CSMD3: variants seen among roughly 807,000 people sequenced by gnomAD.
CSMD3 encodes the protein CUB and Sushi multiple domains 3, also known as CUB and sushi domain-containing protein 3.
In CSMD3, 177 loss-of-function variants were observed where a neutral mutation model predicts 435.2. That is an observed-to-expected ratio of 0.41 (90% CI 0.36 to 0.46). The LOEUF (loss-of-function observed/expected upper bound fraction) is 0.46, where lower values mean the gene tolerates loss of function less well. Ranked by LOEUF, CSMD3 falls within the 20% of genes least tolerant of loss-of-function variation. CSMD3 has a pLI of 0.34. For synonymous variants in CSMD3, 1,656 were observed against 1,520.5 expected (o/e 1.09, Z -2.07); for missense variants, 4,265 against 4,504.6 (o/e 0.95, Z 1.52).
At chr8:113,023,030 G>A (rs1451729743) in intron 5 of CSMD3, among the ~76,000 whole-genome samples, 1 of 151,914 alleles carries the variant, frequency 6.6e-6, no homozygotes, top group Non-Finnish European at 1.5e-5. Flanking sequence ...TTAAACATAA[G>A]AAAATTGAGA....
chr8:112,305,858 T>C, intron 51 of CSMD3, 149 bp downstream of exon 51: 1 of 729,976 alleles, frequency 1.4e-6, no homozygotes, highest in South Asian at 1.5e-5. Flanking sequence ...TACTTCATTG[T>C]ACAAGATAGC....
At chr8:113,382,490 AAAAT>A (rs1435267004) in intron 1 of CSMD3, among the ~76,000 whole-genome samples, 2 of 152,064 alleles carry the variant, frequency 1.3e-5, no homozygotes, top group Non-Finnish European at 2.9e-5. Context: ...ACTTTTGTAA[AAAAT>A]AACTAAGTGG....
intron 2 of CSMD3, among the ~76,000 whole-genome samples, chr8:113,295,149 C>G (rs993583191): frequency 9.9e-5 from 15 of 152,080 alleles, no homozygotes; most frequent in African/African-American, 3.1e-4. Context: ...ATTCATCACC[C>G]CAAGCATTTA....
intron 12 of CSMD3, among the ~76,000 whole-genome samples, chr8:112,828,639 G>T (rs898074662): frequency 1.5e-4 from 23 of 152,116 alleles, no homozygotes; most frequent in African/African-American, 5.3e-4. Context: ...CCAGTCTCAG[G>T]TAGTTCTTTA....
intron 8 of CSMD3, among the ~76,000 whole-genome samples, chr8:112,953,706 T>C (rs2083909296): frequency 6.6e-6 from 1 of 151,476 alleles, no homozygotes; most frequent in Non-Finnish European, 1.5e-5. Context: ...TTACTGTTTA[T>C]ATGTACAAGT....
chr8:112,582,063 G>T (rs750733007), intron 23 of CSMD3, among the ~76,000 whole-genome samples: 57 of 152,060 alleles, frequency 3.7e-4, no homozygotes, highest in Non-Finnish European at 6.0e-4. Flanking sequence ...TCCACTGTTG[G>T]AATTGGGGCC....
intron 31 of CSMD3, among the ~76,000 whole-genome samples, chr8:112,473,721 ATTTTTTTTTT>A (rs71309772): frequency 2.3e-5 from 3 of 131,306 alleles, no homozygotes; most frequent in East Asian, 2.3e-4. Context: ...AGGAAGAGGG[ATTTTTTTTTT>A]TTTTTTTTTT....
intron 1 of CSMD3, among the ~76,000 whole-genome samples, chr8:113,431,414 C>T (rs907957515): frequency 6.6e-6 from 1 of 152,104 alleles, no homozygotes; most frequent in African/African-American, 2.4e-5. Context: ...TCATTTACAA[C>T]CATTTTATTT....
At chr8:113,288,885 T>C (rs982588424) in intron 2 of CSMD3, among the ~76,000 whole-genome samples, 1 of 151,826 alleles carries the variant, frequency 6.6e-6, no homozygotes, top group African/African-American at 2.4e-5. Flanking sequence ...GTTGGGAGAT[T>C]TAATTGGGAT....
At chr8:112,818,106 G>A (rs1367753373) in intron 12 of CSMD3, among the ~76,000 whole-genome samples, 1 of 151,226 alleles carries the variant, frequency 6.6e-6, no homozygotes, top group Non-Finnish European at 1.5e-5. Context: ...TTTTTTTATG[G>A]AATAGAATAA....
intron 24 of CSMD3, among the ~76,000 whole-genome samples, chr8:112,571,412 A>G (rs954976354): frequency 2.0e-5 from 3 of 152,152 alleles, no homozygotes; most frequent in Non-Finnish European, 2.9e-5. Flanking sequence ...AAAGTCAATG[A>G]TCTTACTCAT....
At chr8:112,826,504 T>A (rs2079684946) in intron 12 of CSMD3, among the ~76,000 whole-genome samples, 1 of 152,164 alleles carries the variant, frequency 6.6e-6, no homozygotes, top group African/African-American at 2.4e-5. Flanking sequence ...CACAGTTCCA[T>A]GTAAAAAACA....
chr8:112,580,034 A>G (rs1830228692), intron 23 of CSMD3, among the ~76,000 whole-genome samples: 1 of 152,064 alleles, frequency 6.6e-6, no homozygotes, highest in Non-Finnish European at 1.5e-5. Context: ...GCCCTGCTAC[A>G]TTCCTTTATT....
chr8:112,400,335 C>A (rs1008797719), intron 35 of CSMD3, among the ~76,000 whole-genome samples: 1 of 152,100 alleles, frequency 6.6e-6, no homozygotes, highest in Non-Finnish European at 1.5e-5. Flanking sequence ...ACACTAATCC[C>A]ATTGGTCATC....
At chr8:113,070,655 T>C (rs2089070764) in intron 5 of CSMD3, among the ~76,000 whole-genome samples, 1 of 152,098 alleles carries the variant, frequency 6.6e-6, no homozygotes, top group South Asian at 2.1e-4. Context: ...CCTGTACTTC[T>C]ATGAGTTCAA....
chr8:113,258,850 G>A (rs1271906425), intron 3 of CSMD3, among the ~76,000 whole-genome samples: 1 of 152,130 alleles, frequency 6.6e-6, no homozygotes, highest in Non-Finnish European at 1.5e-5. Context: ...TGAGACGATA[G>A]TAGCTAGGAG....
chr8:113,345,645 AT>A (rs904083062), intron 1 of CSMD3, among the ~76,000 whole-genome samples: 176 of 152,102 alleles, frequency 1.2e-3, no homozygotes, highest in African/African-American at 4.1e-3. Flanking sequence ...CTTATTTGTC[AT>A]TTTATAAGGA....
At position 112,296,010 on chromosome 8, in the gene CSMD3, A is replaced by G. The variant is rs1389786995; in HGVS notation, c.8441-4T>C. On this transcript the variant is annotated splice_polypyrimidine_tract_variant and splice_region_variant and intron_variant, in intron 53 of 70. Coordinates refer to ENST00000297405, the MANE Select transcript of CSMD3 (RefSeq NM_198123.2). ...TCTGGAATTCCACAATGACCCGCTG[A>G]AATACGTTATAAAGTAATATTTTTA... 6.2e-7 allele frequency: 1 copy of G among 1,607,880 alleles called. No individual in the cohort carries two copies. Among genetic ancestry groups the G allele is most frequent in the East Asian group, 2.2e-5 (1 of 44,792 alleles).
At position 112,406,615 on chromosome 8, in the gene CSMD3, T is replaced by C. The variant is rs148370497; in HGVS notation, c.5718A>G (p.Pro1906=). 358 of 1,612,942 alleles carry C rather than the reference T, an allele frequency of 2.2e-4. 1 individual carries two copies. In the African/African-American group the frequency reaches 4.5e-3, roughly 20 times the overall value. The change falls in exon 35 of 71, where the codon CCA becomes CCG. Residue 1906 remains proline (P), a synonymous_variant. Coordinates refer to ENST00000297405, the MANE Select transcript of CSMD3 (RefSeq NM_198123.2). Reference sequence around the variant, plus strand: ...CTATGGATCCATGGAGAATATATCCTGGATTACAATCAAAAAGAACCGATG... The same window carrying C: ...CTATGGATCCATGGAGAATATATCCCGGATTACAATCAAAAAGAACCGATG... ...VGSSVLFDCN[P]GYILHGSIAI... is the part of the protein sequence containing the mutation.
Sources: gnomAD v4.1 joint callset for allele counts (sites outside exome capture counted in the v4.1 genomes callset) on GRCh38, gnomAD v4.1.1 for gene constraint, MANE v1.5 for transcripts, NCBI Gene and HGNC (gene_info 2026-07-23, HGNC 2026-07-21) for gene names.